Variants in HS6ST3 observed in about 807,000 individuals in gnomAD.
HS6ST3 encodes the protein heparan sulfate 6-O-sulfotransferase 3, also known as heparan-sulfate 6-O-sulfotransferase 3.
Under a neutral mutation model 36.7 loss-of-function variants are expected in HS6ST3, and 12 were observed. The ratio of observed to expected loss-of-function variants is 0.33; its 90% CI spans 0.21 to 0.53. The LOEUF (loss-of-function observed/expected upper bound fraction) is 0.53, where lower values mean the gene tolerates loss of function less well. HS6ST3 is among the 20% of genes least tolerant of loss of function. HS6ST3 has a pLI of 0.95. For synonymous variants in HS6ST3, 240 were observed against 257.5 expected, an observed-to-expected ratio of 0.93 and a Z score of 0.65; for missense variants, 584 against 640.9, an observed-to-expected ratio of 0.91 and a Z score of 0.96.
chr13:96,384,743 T>A (rs562548550), intron 1 of HS6ST3, among the ~76,000 whole-genome samples: 1 of 152,288 alleles, frequency 6.6e-6, no homozygotes, highest in East Asian at 1.9e-4. Flanking sequence ...CAACCTTTAC[T>A]TACCAAACCT....
intron 1 of HS6ST3, among the ~76,000 whole-genome samples, chr13:96,675,186 A>G (rs1012008770): frequency 6.6e-5 from 10 of 152,132 alleles, no homozygotes; most frequent in African/African-American, 2.4e-4. Context: ...CTCTCCCAGT[A>G]TGAATTATAG....
intron 1 of HS6ST3, among the ~76,000 whole-genome samples, chr13:96,493,201 A>T (rs966801428): frequency 6.6e-6 from 1 of 152,194 alleles, no homozygotes; most frequent in Non-Finnish European, 1.5e-5. Flanking sequence ...TAAACACAAA[A>T]AAAGATCTGA....
At chr13:96,314,674 GA>G (rs2054959415) in intron 1 of HS6ST3, among the ~76,000 whole-genome samples, 1 of 152,140 alleles carries the variant, frequency 6.6e-6, no homozygotes, top group Non-Finnish European at 1.5e-5. Flanking sequence ...TGGAATGAAA[GA>G]ATCTCAGAGG....
In HS6ST3 at chr13:96,668,686, C is replaced by CTTTTTT. The variant is rs146033180; in HGVS notation, c.708-163769_708-163764dup. On this transcript the variant is annotated intron_variant, in intron 1 of 1. Transcript: ENST00000376705. ...GGGAGCTGAGCACAGTAGTGCCAACCTTTTTTTTTTTTTTTTTTTTTTTTT... is the reference window on the plus strand; with the variant it reads ...GGGAGCTGAGCACAGTAGTGCCAACCTTTTTTTTTTTTTTTTTTTTTTTTTTTTTTT... 6.8e-4 allele frequency among the ~76,000 whole-genome samples: 40 copies of CTTTTTT among 58,928 alleles called. 3 individuals carry two copies. Among genetic ancestry groups the CTTTTTT allele is most frequent in the East Asian group, 1.1e-3 (2 of 1,900 alleles). 38.7% of individuals were successfully genotyped at this position (58,928 alleles called of 152,430 possible). A position where few individuals can be genotyped will look rare whatever the true frequency, so the allele number is the denominator to read the frequency against.
chr13:96,758,982 T>C (rs1313197962), intron 1 of HS6ST3, among the ~76,000 whole-genome samples: 1 of 151,912 alleles, frequency 6.6e-6, no homozygotes, highest in East Asian at 1.9e-4. Flanking sequence ...TTCTTGCTTA[T>C]ATTTTGAATC....
rs77703311 is a variant in HS6ST3 at position 96,619,271 on chromosome 13, G to T, written c.708-213219G>T. ...ATGCAAGGAAGTGCTTTTGGTCATT[G>T]GATTGAAAACGTACTCCATGACATT... On this transcript the variant is annotated intron_variant, in intron 1 of 1. Coordinates refer to ENST00000376705, the MANE Select transcript of HS6ST3 (RefSeq NM_153456.4). Among the ~76,000 whole-genome samples, 1,169 of 152,160 alleles carry T rather than the reference G, an allele frequency of 7.7e-3. 15 individuals are homozygous for T. The highest frequency in any genetic ancestry group is 0.026 in the African/African-American group (1,073 of 41,498).
chr13:96,234,444 C>A (rs2054524367), intron 1 of HS6ST3, among the ~76,000 whole-genome samples: 1 of 151,996 alleles, frequency 6.6e-6, no homozygotes, highest in Non-Finnish European at 1.5e-5. Flanking sequence ...TGTTCTCATG[C>A]TGCTAATAAA....
At chr13:96,814,472 T>C (rs1426065697) in intron 1 of HS6ST3, among the ~76,000 whole-genome samples, 1 of 152,188 alleles carries the variant, frequency 6.6e-6, no homozygotes, top group East Asian at 1.9e-4. Flanking sequence ...GGATCTTGTC[T>C]TTATCTTTGG....
rs79710893 is a variant in HS6ST3, at chr13:96,161,389, G to A, written c.707+69820G>A. On this transcript the variant is annotated intron_variant, in intron 1 of 1. Transcript: ENST00000376705. ...TGAAATGAGTAGTGTCAGCAAAGGC[G>A]GGAAACGTGAAATTGCATAGATTCT... Among the ~76,000 whole-genome samples the A allele has an allele frequency of 2.8e-4, 43 of 152,266 alleles. No homozygotes were observed. The East Asian group carries it at 4.1e-3, about 14-fold the overall frequency.
intron 1 of HS6ST3, chr13:96,574,005 C>T (rs1370936225): frequency 3.7e-6 from 2 of 542,046 alleles, no homozygotes; most frequent in South Asian, 2.8e-5. Flanking sequence ...CCACGACTTC[C>T]TAGATTCACC....
chr13:96,640,638 A>G (rs1377799332), intron 1 of HS6ST3, among the ~76,000 whole-genome samples: 1 of 151,986 alleles, frequency 6.6e-6, no homozygotes, highest in African/African-American at 2.4e-5. Context: ...CCCAAGGCCC[A>G]TGGCCAGAAT....
At chr13:96,826,303 G>T (rs1453029604) in intron 1 of HS6ST3, among the ~76,000 whole-genome samples, 1 of 152,024 alleles carries the variant, frequency 6.6e-6, no homozygotes, top group Non-Finnish European at 1.5e-5. Flanking sequence ...CATTTTAAAA[G>T]GTATCAGTTT....
chr13:96,317,354 ATATATATATATATAAAATTAT>A (rs1437941693), intron 1 of HS6ST3, among the ~76,000 whole-genome samples: 1 of 34,398 alleles, frequency 2.9e-5, no homozygotes, highest in Non-Finnish European at 5.9e-5. Flanking sequence ...ATATATATAT[ATATATATATATATAAAATTAT>A]ATATATATAT....
At chr13:96,755,602 A>G (rs895747980) in intron 1 of HS6ST3, among the ~76,000 whole-genome samples, 4 of 152,104 alleles carry the variant, frequency 2.6e-5, no homozygotes, top group African/African-American at 9.7e-5. Context: ...TGACCTTGTG[A>G]TCCACCTGCT....
At chr13:96,101,770 A>G (rs980260862) in intron 1 of HS6ST3, among the ~76,000 whole-genome samples, 3 of 152,128 alleles carry the variant, frequency 2.0e-5, no homozygotes, top group Non-Finnish European at 4.4e-5. Flanking sequence ...GCTGGAAACA[A>G]TGCCATCCAT....
At chr13:96,242,663 C>A (rs532501225) in intron 1 of HS6ST3, among the ~76,000 whole-genome samples, 22 of 151,970 alleles carry the variant, frequency 1.4e-4, no homozygotes, top group African/African-American at 5.1e-4. Context: ...AAGGTTGAAT[C>A]ATGAAGATAA....
At chr13:96,541,085 T>C (rs2056175711) in intron 1 of HS6ST3, among the ~76,000 whole-genome samples, 1 of 152,272 alleles carries the variant, frequency 6.6e-6, no homozygotes, top group South Asian at 2.1e-4. Context: ...CAGGCTAGAG[T>C]GCAATGGCGC....
At position 96,168,091 on chromosome 13, in the gene HS6ST3, T is replaced by A. The variant is rs553122307; in HGVS notation, c.707+76522T>A. On this transcript the variant is annotated intron_variant, in intron 1 of 1. Transcript: ENST00000376705. ...AAACTCTAGTTGCCTTGGTTACTCT[T>A]GGAATATTAAAATAATCTGGGCCTC... 1.2e-4 allele frequency among the ~76,000 whole-genome samples: 19 copies of A among 152,338 alleles called. No individual in the cohort carries two copies. The South Asian group carries it at 3.5e-3, about 28-fold the overall frequency.
At chr13:96,278,641 A>G (rs988632466) in intron 1 of HS6ST3, among the ~76,000 whole-genome samples, 5 of 152,188 alleles carry the variant, frequency 3.3e-5, no homozygotes, top group African/African-American at 4.8e-5. Flanking sequence ...ATTTCTTTTG[A>G]AGTTTCGCAT....
Sources: allele counts gnomAD v4.1 joint callset (sites outside exome capture counted in the v4.1 genomes callset), GRCh38; gene constraint gnomAD v4.1.1; transcripts MANE v1.5; gene names NCBI Gene and HGNC (gene_info 2026-07-23, HGNC 2026-07-21).